The following TBC1D32 variants were observed in gnomAD, a reference collection of about 807,000 sequenced individuals.
TBC1D32 encodes the protein TBC1 domain family member 32.
A neutral mutation model predicts 170.3 loss-of-function variants in TBC1D32; 151 were observed. That is an observed-to-expected ratio of 0.89 (90% CI 0.78 to 1.01). The LOEUF (loss-of-function observed/expected upper bound fraction) is 1.01. TBC1D32 is among the 50% of genes least tolerant of loss of function. The pLI is 0.00. For synonymous variants in TBC1D32, 498 were observed against 488.0 expected (o/e 1.02, Z -0.27); for missense variants, 1,464 against 1,457.1 (o/e 1.00, Z -0.08).
chr6:121,126,288 A>G lies in TBC1D32; in HGVS notation c.2983+90T>C, dbSNP rs926431730. On this transcript the variant is annotated intron_variant, in intron 26 of 31. Coordinates refer to ENST00000398212, the MANE Select transcript of TBC1D32 (RefSeq NM_152730.6). ...AGTAAGAGATTGTTAGGATGAGAAA[A>G]CTGCCTATCTGTAATATCATTACAC... 3.3e-6 allele frequency: 3 copies of G among 919,040 alleles called. No homozygotes were observed. The African/African-American group carries it at 5.0e-5, about 15-fold the overall frequency. 56.9% of individuals were successfully genotyped at this position (919,040 alleles called of 1,614,324 possible).
Position 121,131,798 on chromosome 6 carries a change from T to G in TBC1D32, c.2774-46A>C, listed in dbSNP as rs545926154. ...CTATTATAATAAGACATGCTAGATA[T>G]ACTGAAAAATTATTAATGTTAACTA... On this transcript the variant is annotated intron_variant, in intron 24 of 31. Transcript: ENST00000398212. The G allele has an allele frequency of 2.6e-4, 377 of 1,446,888 alleles. 3 individuals are homozygous for G. In the South Asian group the frequency reaches 4.6e-3, roughly 18 times the overall value. The allele number at this position is 1,446,888 out of a possible 1,614,324, so 89.6% of individuals were successfully genotyped here. A position where few individuals can be genotyped will look rare whatever the true frequency, so the allele number is the denominator to read the frequency against.
chr6:121,293,498 G>C (rs1805172886), intron 11 of TBC1D32, among the ~76,000 whole-genome samples: 1 of 152,146 alleles, frequency 6.6e-6, no homozygotes, highest in South Asian at 2.1e-4. Context: ...CTTACTATAT[G>C]CTTAAGGAAA....
In TBC1D32 at chr6:121,202,769, A is replaced by C. The variant is rs371909133; in HGVS notation, c.2570+2306T>G. 4.6e-5 allele frequency among the ~76,000 whole-genome samples: 7 copies of C among 151,314 alleles called. No homozygotes were observed. In the South Asian group the frequency reaches 6.2e-4, roughly 13 times the overall value. ...AGGGGTGAAGGAGGGAGGCTAATCA[A>C]AGGAGCACCCTTCTTGAGTATTAGT... is the stretch of plus-strand genomic sequence containing the variant. On this transcript the variant is annotated intron_variant, in intron 22 of 31. Coordinates refer to ENST00000398212, the MANE Select transcript of TBC1D32 (RefSeq NM_152730.6).
chr6:121,283,749 T>A, intron 13 of TBC1D32, 69 bp downstream of exon 13: 1 of 1,228,432 alleles, frequency 8.1e-7, no homozygotes, highest in Non-Finnish European at 1.2e-6. Flanking sequence ...TCAAAACATC[T>A]AGACAATAGA....
At chr6:121,238,261 T>C (rs1266228108) in intron 20 of TBC1D32, among the ~76,000 whole-genome samples, 1 of 152,144 alleles carries the variant, frequency 6.6e-6, no homozygotes, top group Non-Finnish European at 1.5e-5. Context: ...AGCAAAAATC[T>C]GTTAAATCCA....
chr6:121,286,441 A>C (rs1472225579), intron 12 of TBC1D32, among the ~76,000 whole-genome samples: 3 of 152,122 alleles, frequency 2.0e-5, no homozygotes, highest in Non-Finnish European at 4.4e-5. Flanking sequence ...TTAGAGAAAA[A>C]AGAATAAAAA....
rs148690154 is a variant in TBC1D32 at position 121,321,914 on chromosome 6, A to C, written c.156-120T>G. On this transcript the variant is annotated intron_variant, in intron 1 of 31. Coordinates refer to ENST00000398212, the MANE Select transcript of TBC1D32 (RefSeq NM_152730.6). Reference sequence around the variant, plus strand: ...ACCTTAAACTAGGATTAAATTAGTCATTCATCACAAATCATCAAGCTAATC... The same window carrying C: ...ACCTTAAACTAGGATTAAATTAGTCCTTCATCACAAATCATCAAGCTAATC... The C allele has an allele frequency of 1.6e-5, 15 of 955,914 alleles. No homozygotes were observed. In the African/African-American group the frequency reaches 2.4e-4, roughly 15 times the overall value. The allele number at this position is 955,914 out of a possible 1,614,324, so 59.2% of individuals were successfully genotyped here. A position where few individuals can be genotyped will look rare whatever the true frequency, so the allele number is the denominator to read the frequency against.
At chr6:121,182,198 T>G (rs537366276) in intron 22 of TBC1D32, among the ~76,000 whole-genome samples, 1 of 152,076 alleles carries the variant, frequency 6.6e-6, no homozygotes, top group African/African-American at 2.4e-5. Flanking sequence ...CAAATGCAAA[T>G]AGTACTTGCA....
intron 21 of TBC1D32, among the ~76,000 whole-genome samples, chr6:121,206,965 T>C (rs1301168251): frequency 6.6e-6 from 1 of 152,196 alleles, no homozygotes; most frequent in East Asian, 1.9e-4. Context: ...CCACAGAGAT[T>C]GCTATGACTT....
At chr6:121,143,463 A>T (rs536260082) in intron 24 of TBC1D32, among the ~76,000 whole-genome samples, 1 of 152,324 alleles carries the variant, frequency 6.6e-6, no homozygotes, top group East Asian at 1.9e-4. Flanking sequence ...AATCTAACAG[A>T]TGAGATGCTA....
chr6:121,135,567 A>G (rs1648726647), intron 24 of TBC1D32, among the ~76,000 whole-genome samples: 1 of 152,156 alleles, frequency 6.6e-6, no homozygotes, highest in Non-Finnish European at 1.5e-5. Flanking sequence ...CAGATTTCAA[A>G]GAGATTAAAG....
intron 12 of TBC1D32, among the ~76,000 whole-genome samples, chr6:121,290,637 G>A (rs1029322986): frequency 1.3e-5 from 2 of 152,182 alleles, no homozygotes; most frequent in East Asian, 1.9e-4. Flanking sequence ...TGACCCAGCA[G>A]TCCCATTACT....
chr6:121,191,367 A>G (rs1790002711), intron 22 of TBC1D32, among the ~76,000 whole-genome samples: 1 of 152,184 alleles, frequency 6.6e-6, no homozygotes, highest in Non-Finnish European at 1.5e-5. Flanking sequence ...AATTACATAC[A>G]GTAACCACAC....
Position 121,254,415 on chromosome 6 carries a change from A to T in TBC1D32, c.2018+913T>A, listed in dbSNP as rs1011461521. 1.1e-4 allele frequency among the ~76,000 whole-genome samples: 17 copies of T among 152,120 alleles called. No homozygotes were observed. The East Asian group carries it at 3.3e-3, about 29-fold the overall frequency. ...AAAAATTGAAATCACTACTGAAATT[A>T]AAAATGAAAATTAATTATTAAAAAA... On this transcript the variant is annotated intron_variant, in intron 17 of 31. Coordinates refer to ENST00000398212, the MANE Select transcript of TBC1D32 (RefSeq NM_152730.6).
chr6:121,256,957 C>T (rs572163679), intron 15 of TBC1D32, among the ~76,000 whole-genome samples: 1 of 152,078 alleles, frequency 6.6e-6, no homozygotes, highest in Non-Finnish European at 1.5e-5. Flanking sequence ...CAGGTGTGAG[C>T]CACCATGCCC....
intron 22 of TBC1D32, among the ~76,000 whole-genome samples, chr6:121,200,269 C>G (rs1386965987): frequency 6.6e-6 from 1 of 151,172 alleles, no homozygotes; most frequent in Non-Finnish European, 1.5e-5. Flanking sequence ...AAACTAAGTA[C>G]ATCTTTAGCA....
At chr6:121,284,820 C>T (rs1378304073) in intron 12 of TBC1D32, among the ~76,000 whole-genome samples, 1 of 152,006 alleles carries the variant, frequency 6.6e-6, no homozygotes, top group Non-Finnish European at 1.5e-5. Flanking sequence ...ATCAACATCA[C>T]AAGTATACAT....
intron 12 of TBC1D32, among the ~76,000 whole-genome samples, chr6:121,284,201 T>C (rs889827124): frequency 3.9e-5 from 6 of 152,194 alleles, no homozygotes; most frequent in South Asian, 4.1e-4. Context: ...ATGAATCTGA[T>C]TAAGGCTATT....
intron 22 of TBC1D32, among the ~76,000 whole-genome samples, chr6:121,192,053 A>ATATATATATATATATAT (rs1158179800): frequency 1.8e-4 from 11 of 59,668 alleles, no homozygotes; most frequent in East Asian, 1.5e-3. Context: ...GTTAATACTT[A>ATATATATATATATATAT]ATAAACTACC....
Sources: allele counts gnomAD v4.1 joint callset (sites outside exome capture counted in the v4.1 genomes callset), GRCh38; gene constraint gnomAD v4.1.1; transcripts MANE v1.5; gene names NCBI Gene and HGNC (gene_info 2026-07-23, HGNC 2026-07-21).